Variants in SENP1 observed in about 807,000 individuals in gnomAD.
SENP1 encodes sentrin-specific protease 1.
SENP1 carries 21 observed loss-of-function variants against 93.0 expected under a neutral mutation model. That is an observed-to-expected ratio of 0.23 (90% CI 0.16 to 0.33). SENP1 has a LOEUF of 0.33. SENP1 is among the 10% of genes least tolerant of loss of function. The pLI is 1.00. For missense variants in SENP1, 591 were observed against 758.7 expected (o/e 0.78, Z 2.60); for synonymous variants, 256 against 259.6 (o/e 0.99, Z 0.13).
chr12:48,077,672 T>C (rs1032778986), intron 6 of SENP1, among the ~76,000 whole-genome samples: 1 of 152,154 alleles, frequency 6.6e-6, no homozygotes, highest in African/African-American at 2.4e-5. Context: ...CACGTTGGTA[T>C]GCTGCACCCA....
intron 13 of SENP1, among the ~76,000 whole-genome samples, chr12:48,061,442 C>G (rs1242046022): frequency 6.6e-6 from 1 of 152,212 alleles, no homozygotes; most frequent in Non-Finnish European, 1.5e-5. Context: ...GAGTCTTGCT[C>G]TGTCACCCAG....
rs1186784876 is a variant in SENP1, at chr12:48,101,455, CTAGT to C, written c.4+10_4+13del. 6 of 1,595,032 alleles carry C rather than the reference CTAGT, an allele frequency of 3.8e-6. No homozygotes were observed. In the African/African-American group the frequency reaches 4.1e-5, roughly 11 times the overall value. ...GAAAGTAGCTAAAAGGATTCAACAG[CTAGT>C]TAGTCTTACCCATTTCAAGTCTTTT... On this transcript the variant is annotated intron_variant, in intron 2 of 17. Transcript: ENST00000549518.
chr12:48,083,309 T>C (rs1204253164), intron 6 of SENP1, among the ~76,000 whole-genome samples: 1 of 152,240 alleles, frequency 6.6e-6, no homozygotes, highest in Non-Finnish European at 1.5e-5. Context: ...GATACTTTGA[T>C]GTATGAGAAA....
At chr12:48,105,819 A>G (rs1946510360) in intron 1 of SENP1, 1 of 595,626 alleles carries the variant, frequency 1.7e-6, no homozygotes. Flanking sequence ...AGGTAGCCTA[A>G]CGGCCACCGG....
At chr12:48,094,497 T>C (rs1592465489) in intron 4 of SENP1, among the ~76,000 whole-genome samples, 1 of 151,822 alleles carries the variant, frequency 6.6e-6, no homozygotes, top group Non-Finnish European at 1.5e-5. Flanking sequence ...CTGGCCAACA[T>C]GGCGAAACCC....
Position 48,074,344 on chromosome 12 carries a change from G to A in SENP1, c.920C>T (p.Ala307Val), listed in dbSNP as rs746250429. Residue 307 changes from alanine to valine, a missense_variant, in exon 8 of 18, where the codon GCT becomes GTT. Physicochemically the swap from Ala to Val is moderately conservative, Grantham distance 64 (BLOSUM62 0). Transcript: ENST00000549518. ...TTTACCTTCAGATTGTGTATTTGAA[G>A]CTGCTAAGTTATCTGGCTGATGTGG... is the stretch of plus-strand genomic sequence containing the variant. Reference protein sequence around the residue: ...SVPHQPDNLAASNTQSEGSDS... With the variant: ...SVPHQPDNLAVSNTQSEGSDS... 3 of 1,612,306 alleles carry A rather than the reference G, an allele frequency of 1.9e-6. No homozygotes were observed. The highest frequency in any genetic ancestry group is 3.3e-5 in the Admixed American group (2 of 59,954).
chr12:48,053,618 A>G (rs1941988501), intron 13 of SENP1, among the ~76,000 whole-genome samples: 1 of 152,186 alleles, frequency 6.6e-6, no homozygotes, highest in African/African-American at 2.4e-5. Context: ...CCAATCAAGT[A>G]AGAATATGCT....
intron 13 of SENP1, among the ~76,000 whole-genome samples, chr12:48,054,335 G>T (rs1460014589): frequency 6.6e-6 from 1 of 152,154 alleles, no homozygotes; most frequent in African/African-American, 2.4e-5. Context: ...CCTTCTTGAT[G>T]AACTGACCCC....
chr12:48,058,896 T>C (rs1273093466), intron 13 of SENP1, among the ~76,000 whole-genome samples: 4 of 152,186 alleles, frequency 2.6e-5, no homozygotes, highest in African/African-American at 7.2e-5. Context: ...ATTTGCTGGG[T>C]ATAGAATTTC....
intron 13 of SENP1, among the ~76,000 whole-genome samples, chr12:48,057,397 T>G (rs1942621695): frequency 6.8e-6 from 1 of 147,572 alleles, no homozygotes; most frequent in African/African-American, 2.5e-5. Flanking sequence ...ACCTGGCTAA[T>G]TTTTGTATTT....
intron 1 of SENP1, among the ~76,000 whole-genome samples, chr12:48,104,220 G>GAAAA (rs772256640): frequency 1.1e-3 from 109 of 101,080 alleles, no homozygotes; most frequent in African/African-American, 3.9e-3. Context: ...AAAAAAAGAA[G>GAAAA]AAAAAAATAT....
intron 8 of SENP1, among the ~76,000 whole-genome samples, chr12:48,073,041 G>A (rs962540619): frequency 6.6e-6 from 1 of 152,018 alleles, no homozygotes; most frequent in Admixed American, 6.6e-5. Context: ...TAGCACCCCA[G>A]GAGGTGTCTA....
chr12:48,084,560 C>T (rs1464299864), intron 5 of SENP1, among the ~76,000 whole-genome samples: 8 of 151,040 alleles, frequency 5.3e-5, no homozygotes, highest in African/African-American at 1.7e-4. Flanking sequence ...GTGATTCTCC[C>T]GCCTCAGCCT....
intron 13 of SENP1, among the ~76,000 whole-genome samples, chr12:48,054,350 T>C (rs1942056078): frequency 1.3e-5 from 2 of 152,230 alleles, no homozygotes; most frequent in South Asian, 4.1e-4. Context: ...GACCCCTTTA[T>C]CATTAAGAAA....
At chr12:48,064,966 C>T in intron 12 of SENP1, 99 bp downstream of exon 12, 2 of 860,384 alleles carry the variant, frequency 2.3e-6, no homozygotes, top group Non-Finnish European at 3.7e-6. Context: ...CGTGAGCCAC[C>T]GTGCCTGACC....
chr12:48,099,911 T>C (rs1945807973), intron 2 of SENP1, among the ~76,000 whole-genome samples: 2 of 152,172 alleles, frequency 1.3e-5, no homozygotes, highest in African/African-American at 4.8e-5. Flanking sequence ...TATGGCAGAA[T>C]TTTACTTCAG....
intron 6 of SENP1, among the ~76,000 whole-genome samples, chr12:48,075,098 C>T (rs1265591952): frequency 6.6e-6 from 1 of 151,992 alleles, no homozygotes; most frequent in African/African-American, 2.4e-5. Flanking sequence ...TGCCTGTGGT[C>T]CCAGCTACTG....
At chr12:48,098,836 A>G (rs1945736701) in intron 2 of SENP1, among the ~76,000 whole-genome samples, 1 of 152,030 alleles carries the variant, frequency 6.6e-6, no homozygotes, top group African/African-American at 2.4e-5. Context: ...AAAAAAGACA[A>G]AAAAGAACTT....
chr12:48,096,387 G>T lies in SENP1; in HGVS notation c.176C>A (p.Thr59Lys). Residue 59 changes from threonine to lysine, a missense_variant, in exon 4 of 18, where the codon ACA (threonine) becomes AAA (lysine). Physicochemically the swap from Thr to Lys is moderately conservative, Grantham distance 78. This residue lies in a region of SENP1 where 214 missense variants were observed against 243.4 expected (regional missense o/e 0.88). Transcript: ENST00000549518. ...ATAAGCTGCACTTCTTGTGGAACAT[G>T]TAAAAGATCGGTCCAAATGTCCTTG... ...SRQGHLDRSFTCSTRSAAYNP... is the reference protein window; with the variant it reads ...SRQGHLDRSFKCSTRSAAYNP... The T allele has an allele frequency of 6.2e-7, 1 of 1,610,658 alleles. No homozygotes were observed. The highest frequency in any genetic ancestry group is 8.5e-7 in the Non-Finnish European group (1 of 1,177,146).
Sources: allele counts gnomAD v4.1 joint callset (sites outside exome capture counted in the v4.1 genomes callset), GRCh38; gene constraint gnomAD v4.1.1; regional missense constraint gnomAD v4.1.1; transcripts MANE v1.5; gene names NCBI Gene and HGNC (gene_info 2026-07-23, HGNC 2026-07-21).